Variants in CDH12 observed in about 807,000 individuals in gnomAD.
CDH12 encodes cadherin 12, also known as cadherin-12.
Under a neutral mutation model 74.1 loss-of-function variants are expected in CDH12, and 41 were observed. The observed-to-expected ratio is 0.55, with a 90% CI of 0.43 to 0.72. CDH12 has a LOEUF of 0.72. CDH12 is among the 30% of genes least tolerant of loss of function. CDH12 has a pLI of 0.00. For synonymous variants in CDH12, 399 were observed against 355.0 expected (o/e 1.12, Z -1.39); for missense variants, 945 against 977.2 (o/e 0.97, Z 0.44).
At chr5:21,936,706 C>G (rs371717543) in intron 6 of CDH12, among the ~76,000 whole-genome samples, 2 of 152,174 alleles carry the variant, frequency 1.3e-5, no homozygotes, top group South Asian at 2.1e-4. Flanking sequence ...AATCTCAACT[C>G]GAATTGTAAT....
chr5:22,254,755 G>T (rs1372817753), intron 3 of CDH12, among the ~76,000 whole-genome samples: 2 of 151,728 alleles, frequency 1.3e-5, no homozygotes, highest in African/African-American at 4.8e-5. Flanking sequence ...TTAAATGTTT[G>T]TGGGTACATA....
At chr5:22,072,575 T>C (rs1347423456) in intron 5 of CDH12, among the ~76,000 whole-genome samples, 1 of 150,910 alleles carries the variant, frequency 6.6e-6, no homozygotes, top group African/African-American at 2.4e-5. Context: ...TGTTTAGGCT[T>C]TTATTATTAT....
chr5:22,523,190 G>A (rs1467576164), intron 1 of CDH12, among the ~76,000 whole-genome samples: 2 of 151,688 alleles, frequency 1.3e-5, no homozygotes, highest in South Asian at 2.1e-4. Flanking sequence ...TTTATTTTCC[G>A]TTTTCTTTAA....
chr5:22,364,760 T>C (rs1273340310), intron 3 of CDH12, among the ~76,000 whole-genome samples: 1 of 152,200 alleles, frequency 6.6e-6, no homozygotes, highest in Non-Finnish European at 1.5e-5. Context: ...GCTGTTTCTA[T>C]GTAAATAATT....
intron 4 of CDH12, among the ~76,000 whole-genome samples, chr5:22,084,127 C>T (rs532179044): frequency 5.7e-4 from 86 of 152,194 alleles, no homozygotes; most frequent in African/African-American, 2.0e-3. Context: ...TCAGAAAGTG[C>T]TCCAACAGCC....
At chr5:21,851,173 T>G (rs1473397265) in intron 7 of CDH12, among the ~76,000 whole-genome samples, 1 of 151,252 alleles carries the variant, frequency 6.6e-6, no homozygotes, top group Non-Finnish European at 1.5e-5. Context: ...TACCATATGA[T>G]ATGAAATATG....
intron 1 of CDH12, among the ~76,000 whole-genome samples, chr5:22,759,391 G>A (rs1011029266): frequency 6.6e-6 from 1 of 151,940 alleles, no homozygotes; most frequent in Non-Finnish European, 1.5e-5. Context: ...CCTGTTTTGG[G>A]GTTAAAAAGT....
intron 2 of CDH12, among the ~76,000 whole-genome samples, chr5:22,423,668 C>G (rs1320069260): frequency 2.0e-5 from 3 of 152,094 alleles, no homozygotes; most frequent in Non-Finnish European, 4.4e-5. Context: ...TCCCAAACTT[C>G]AAGCCTGATG....
chr5:22,068,069 A>C (rs1052018911), intron 5 of CDH12, among the ~76,000 whole-genome samples: 2 of 152,128 alleles, frequency 1.3e-5, no homozygotes, highest in Non-Finnish European at 2.9e-5. Flanking sequence ...TAATCATGGC[A>C]CACCAACTTC....
At chr5:22,076,147 G>T (rs1742300855) in intron 5 of CDH12, among the ~76,000 whole-genome samples, 1 of 152,022 alleles carries the variant, frequency 6.6e-6, no homozygotes, top group African/African-American at 2.4e-5. Context: ...TATCAATGTG[G>T]AGCCCTGTAC....
chr5:22,739,919 T>C (rs1194165744), intron 1 of CDH12, among the ~76,000 whole-genome samples: 1 of 152,112 alleles, frequency 6.6e-6, no homozygotes, highest in African/African-American at 2.4e-5. Flanking sequence ...TGGGGTACAT[T>C]ATGTTACTAT....
intron 11 of CDH12, among the ~76,000 whole-genome samples, chr5:21,770,582 C>T (rs1745268175): frequency 6.7e-6 from 1 of 149,438 alleles, no homozygotes. Flanking sequence ...TGTGCCATTG[C>T]ACTCCAGCTT....
intron 3 of CDH12, among the ~76,000 whole-genome samples, chr5:22,294,412 CA>C (rs767295860): frequency 6.6e-6 from 1 of 152,178 alleles, no homozygotes; most frequent in Non-Finnish European, 1.5e-5. Flanking sequence ...CCCCCAGACA[CA>C]GGGCCTATAT....
At chr5:22,689,055 G>A (rs1741951740) in intron 1 of CDH12, among the ~76,000 whole-genome samples, 1 of 152,108 alleles carries the variant, frequency 6.6e-6, no homozygotes, top group African/African-American at 2.4e-5. Context: ...GAAGAGGAAA[G>A]GGATTGTCTA....
chr5:22,043,675 C>G (rs1164735831), intron 5 of CDH12, among the ~76,000 whole-genome samples: 1 of 150,620 alleles, frequency 6.6e-6, no homozygotes, highest in African/African-American at 2.4e-5. Flanking sequence ...ATGACATGAT[C>G]TTATGTATAG....
Position 22,621,384 on chromosome 5 carries a change from C to G in CDH12, c.-522-116020G>C, listed in dbSNP as rs565176977. On this transcript the variant is annotated intron_variant, in intron 1 of 14. Transcript: ENST00000382254. ...GTGCTGTTGTTCTGCCTAGCAAGAACAATATTCAAAGGACTATTAGACTTA... is the reference window on the plus strand; with the variant it reads ...GTGCTGTTGTTCTGCCTAGCAAGAAGAATATTCAAAGGACTATTAGACTTA... Among the ~76,000 whole-genome samples, 4 of 152,066 alleles carry G rather than the reference C, an allele frequency of 2.6e-5. No individual in the cohort carries two copies. The East Asian group carries it at 7.7e-4, about 29-fold the overall frequency.
chr5:21,998,644 C>A (rs1267991966), intron 5 of CDH12, among the ~76,000 whole-genome samples: 1 of 152,072 alleles, frequency 6.6e-6, no homozygotes, highest in East Asian at 1.9e-4. Context: ...GATGTTAGAT[C>A]TTTATAAAAT....
intron 1 of CDH12, among the ~76,000 whole-genome samples, chr5:22,606,315 C>T (rs929665431): frequency 6.6e-6 from 1 of 152,150 alleles, no homozygotes; most frequent in South Asian, 2.1e-4. Context: ...CTCCCTGTGC[C>T]ATCTCATGGG....
intron 6 of CDH12, among the ~76,000 whole-genome samples, chr5:21,949,232 C>T (rs1356052588): frequency 9.2e-5 from 14 of 151,848 alleles, no homozygotes; most frequent in South Asian, 4.1e-4. Context: ...GGGCAGATCA[C>T]GAGGTCAGGA....
Sources: gnomAD v4.1 joint callset for allele counts (sites outside exome capture counted in the v4.1 genomes callset) on GRCh38, gnomAD v4.1.1 for gene constraint, MANE v1.5 for transcripts, NCBI Gene and HGNC (gene_info 2026-07-23, HGNC 2026-07-21) for gene names.